Variants in SPHKAP observed in about 807,000 individuals in gnomAD.
SPHKAP encodes A-kinase anchor protein SPHKAP.
In SPHKAP, 67 loss-of-function variants were observed where a neutral mutation model predicts 137.5. The observed-to-expected ratio is 0.49, with a 90% CI of 0.40 to 0.60. The LOEUF is 0.60. Among genes scored for constraint, SPHKAP ranks in the 20% least tolerant of loss-of-function variants. SPHKAP has a pLI of 0.00. For synonymous variants in SPHKAP, 813 were observed against 785.3 expected, an observed-to-expected ratio of 1.04 and a Z score of -0.59; for missense variants, 2,097 against 2,069.3, an observed-to-expected ratio of 1.01 and a Z score of -0.26.
chr2:228,049,130 A>G (rs1453511712), intron 3 of SPHKAP, among the ~76,000 whole-genome samples: 2 of 152,172 alleles, frequency 1.3e-5, no homozygotes, highest in African/African-American at 4.8e-5. Context: ...AACAGTACCT[A>G]TCTCAGGATT....
At chr2:228,155,298 GTAAT>G (rs1700076392) in intron 1 of SPHKAP, among the ~76,000 whole-genome samples, 1 of 151,864 alleles carries the variant, frequency 6.6e-6, no homozygotes, top group Non-Finnish European at 1.5e-5. Flanking sequence ...CATTAATAAA[GTAAT>G]TGAGTAATAA....
chr2:228,013,480 C>T (rs530705983), intron 7 of SPHKAP, among the ~76,000 whole-genome samples: 8 of 152,200 alleles, frequency 5.3e-5, no homozygotes, highest in Non-Finnish European at 7.4e-5. Flanking sequence ...CTCCTGACCT[C>T]GTGATCCATC....
chr2:228,035,371 G>C (rs1271181402), intron 3 of SPHKAP, among the ~76,000 whole-genome samples: 1 of 152,080 alleles, frequency 6.6e-6, no homozygotes, highest in Non-Finnish European at 1.5e-5. Context: ...ACTGCTCAAG[G>C]AAATAAAAGA....
intron 3 of SPHKAP, among the ~76,000 whole-genome samples, chr2:228,079,208 G>T (rs1417140469): frequency 6.6e-6 from 1 of 152,138 alleles, no homozygotes; most frequent in Non-Finnish European, 1.5e-5. Context: ...TAGATCCCTC[G>T]CATATGCAGT....
At chr2:228,142,189 T>C (rs1468451056) in intron 1 of SPHKAP, among the ~76,000 whole-genome samples, 1 of 152,120 alleles carries the variant, frequency 6.6e-6, no homozygotes, top group Non-Finnish European at 1.5e-5. Context: ...AGAAGAAACG[T>C]AGTTGCATGT....
At chr2:228,077,604 C>T (rs148504676) in intron 3 of SPHKAP, among the ~76,000 whole-genome samples, 1,528 of 152,336 alleles carry the variant, frequency 0.01, 41 homozygotes, top group African/African-American at 0.035. Flanking sequence ...AGTATTTACC[C>T]AGTGGCTGTA....
At chr2:228,057,726 G>T (rs1696496760) in intron 3 of SPHKAP, among the ~76,000 whole-genome samples, 1 of 152,162 alleles carries the variant, frequency 6.6e-6, no homozygotes, top group African/African-American at 2.4e-5. Flanking sequence ...GTGGTTGAAT[G>T]CAGGGACTGA....
chr2:228,118,458 GT>G, intron 2 of SPHKAP, among the ~76,000 whole-genome samples: 1 of 151,938 alleles, frequency 6.6e-6, no homozygotes, highest in African/African-American at 2.4e-5. Flanking sequence ...TTTAAAGTGG[GT>G]TTACCATTTT....
chr2:228,049,481 C>T lies in SPHKAP; in HGVS notation c.247-21938G>A, dbSNP rs1193611152. 3.3e-5 allele frequency among the ~76,000 whole-genome samples: 5 copies of T among 152,172 alleles called. No homozygotes were observed. In the South Asian group the frequency reaches 6.2e-4, roughly 19 times the overall value. Reference sequence around the variant, plus strand: ...ATTATAAAGAATGAGGTTTTTAGCACTTCAAATTATTTATGTATTATTTAC... The same window carrying T: ...ATTATAAAGAATGAGGTTTTTAGCATTTCAAATTATTTATGTATTATTTAC... On this transcript the variant is annotated intron_variant, in intron 3 of 11. Coordinates refer to ENST00000392056, the MANE Select transcript of SPHKAP (RefSeq NM_001142644.2).
intron 1 of SPHKAP, among the ~76,000 whole-genome samples, chr2:228,139,133 C>G (rs1298578642): frequency 2.0e-5 from 3 of 152,172 alleles, no homozygotes. Flanking sequence ...AAAGACACTA[C>G]TTAGTATTGT....
intron 3 of SPHKAP, among the ~76,000 whole-genome samples, chr2:228,029,266 C>A (rs1034959760): frequency 1.3e-5 from 2 of 152,286 alleles, no homozygotes; most frequent in African/African-American, 2.4e-5. Flanking sequence ...GACATTTGAA[C>A]TTTCAGATGC....
At chr2:228,090,408 T>A (rs1327941934) in intron 3 of SPHKAP, among the ~76,000 whole-genome samples, 1 of 152,194 alleles carries the variant, frequency 6.6e-6, no homozygotes, top group Non-Finnish European at 1.5e-5. Flanking sequence ...GGCTCATAGC[T>A]GGAAACAACT....
chr2:228,148,765 G>A (rs1211391566), intron 1 of SPHKAP, among the ~76,000 whole-genome samples: 1 of 152,114 alleles, frequency 6.6e-6, no homozygotes, highest in Non-Finnish European at 1.5e-5. Context: ...CAATAAGGGA[G>A]TTACAAACAC....
chr2:228,165,410 G>A (rs2106419252), intron 1 of SPHKAP, among the ~76,000 whole-genome samples: 1 of 152,268 alleles, frequency 6.6e-6, no homozygotes, highest in Non-Finnish European at 1.5e-5. Context: ...TTTCTTCCTG[G>A]AACACCGTTT....
Position 228,112,249 on chromosome 2 carries a change from GC to G in SPHKAP, c.139-3311del, listed in dbSNP as rs1698543847. 2.0e-5 allele frequency among the ~76,000 whole-genome samples: 3 copies of G among 152,114 alleles called. No homozygotes were observed. The South Asian group carries it at 6.2e-4, about 32-fold the overall frequency. ...AAAATACAGGTATCATCGCTTCTTG[GC>G]CTTTTGGCTAAGATCAAGTGTAAAA... On this transcript the variant is annotated intron_variant, in intron 2 of 11. Coordinates refer to ENST00000392056, the MANE Select transcript of SPHKAP (RefSeq NM_001142644.2).
chr2:228,023,974 G>A (rs1694937454), intron 5 of SPHKAP, among the ~76,000 whole-genome samples: 1 of 152,120 alleles, frequency 6.6e-6, no homozygotes, highest in African/African-American at 2.4e-5. Flanking sequence ...TTCCCGACTT[G>A]AACCCAAAAA....
chr2:228,037,153 T>A (rs1484216180), intron 3 of SPHKAP, among the ~76,000 whole-genome samples: 1 of 152,196 alleles, frequency 6.6e-6, no homozygotes, highest in Non-Finnish European at 1.5e-5. Context: ...TTAGTACCTT[T>A]ACAGTTTTGT....
intron 3 of SPHKAP, among the ~76,000 whole-genome samples, chr2:228,059,733 T>A (rs1182092573): frequency 2.0e-5 from 3 of 152,194 alleles, no homozygotes; most frequent in Non-Finnish European, 4.4e-5. Flanking sequence ...TAAAGAATAA[T>A]GTTTTCACAG....
rs1182901119 is a variant in SPHKAP at position 228,181,247 on chromosome 2, A to G, written c.32+320T>C. Among the ~76,000 whole-genome samples, 2 of 152,128 alleles carry G rather than the reference A, an allele frequency of 1.3e-5. No homozygotes were observed. The highest frequency in any genetic ancestry group is 6.5e-5 in the Admixed American group (1 of 15,278). On this transcript the variant is annotated intron_variant, in intron 1 of 11. Coordinates refer to ENST00000392056, the MANE Select transcript of SPHKAP (RefSeq NM_001142644.2). The surrounding 1 kb of genome is among the most constrained non-coding windows in gnomAD (Gnocchi z 4.3). ...AAACCTCTCCAAGCTGTGTCCGCGG[A>G]AAGTCCGGCTCCTGGCTCCACCTAG... is the stretch of plus-strand genomic sequence containing the variant.
Sources: allele counts gnomAD v4.1 joint callset (sites outside exome capture counted in the v4.1 genomes callset), GRCh38; gene constraint gnomAD v4.1.1; non-coding constraint Gnocchi (gnomAD v3.1); transcripts MANE v1.5; gene names NCBI Gene and HGNC (gene_info 2026-07-23, HGNC 2026-07-21).